SEMA3A: variants seen among roughly 807,000 people sequenced by gnomAD.
SEMA3A encodes semaphorin-3A.
SEMA3A carries 29 observed loss-of-function variants against 97.9 expected under a neutral mutation model. The ratio of observed to expected loss-of-function variants is 0.30; its 90% confidence interval spans 0.22 to 0.40. The LOEUF (loss-of-function observed/expected upper bound fraction) is 0.40. Ranked by LOEUF, SEMA3A falls within the 10% of genes least tolerant of loss-of-function variation. The probability of loss-of-function intolerance (pLI) is 1.00; values close to 1 mark genes in which losing one functional copy is unlikely to be tolerated. For missense variants in SEMA3A, 763 were observed against 951.3 expected (o/e 0.80, Z 2.60); for synonymous variants, 321 against 323.7 (o/e 0.99, Z 0.09).
At chr7:84,134,773 C>A (rs1265534714) in intron 2 of SEMA3A, 21 bp downstream of exon 2, 1 of 1,548,282 alleles carries the variant, frequency 6.5e-7, no homozygotes, top group African/African-American at 1.4e-5. Flanking sequence ...AACTATAGTG[C>A]ATATATTAGA....
chr7:84,357,805 C>T (rs544151055), intron 2 of SEMA3A, among the ~76,000 whole-genome samples: 1 of 151,824 alleles, frequency 6.6e-6, no homozygotes, highest in South Asian at 2.1e-4. Context: ...CTGTTGTTTC[C>T]TGACTTTTTA....
chr7:84,174,501 T>C (rs1187817388), intron 1 of SEMA3A, among the ~76,000 whole-genome samples: 1 of 152,210 alleles, frequency 6.6e-6, no homozygotes, highest in Non-Finnish European at 1.5e-5. Context: ...AAGTCTATAA[T>C]ATAATGGTTT....
chr7:84,355,812 A>G (rs1310378806), intron 2 of SEMA3A, among the ~76,000 whole-genome samples: 1 of 151,956 alleles, frequency 6.6e-6, no homozygotes, highest in Non-Finnish European at 1.5e-5. Context: ...ATGTTGTAAT[A>G]AAAGACCGAG....
chr7:84,241,719 T>C (rs924811601), intron 3 of SEMA3A, among the ~76,000 whole-genome samples: 3 of 152,184 alleles, frequency 2.0e-5, no homozygotes, highest in Non-Finnish European at 4.4e-5. Flanking sequence ...ATGCCCTGAA[T>C]GGTATTGCCT....
chr7:84,363,441 T>C (rs943907694), intron 2 of SEMA3A, among the ~76,000 whole-genome samples: 1 of 151,954 alleles, frequency 6.6e-6, no homozygotes, highest in Non-Finnish European at 1.5e-5. Flanking sequence ...TGCATGTTCT[T>C]TCAATTTTTC....
At chr7:84,151,054 A>G (rs971055356) in intron 1 of SEMA3A, among the ~76,000 whole-genome samples, 2 of 150,382 alleles carry the variant, frequency 1.3e-5, no homozygotes, top group African/African-American at 4.9e-5. Flanking sequence ...GAAAACTAAC[A>G]AACAGAAAGG....
chr7:84,183,394 G>A (rs1009185795), intron 1 of SEMA3A, among the ~76,000 whole-genome samples: 4 of 152,004 alleles, frequency 2.6e-5, no homozygotes. Context: ...TATAAGCAGA[G>A]TATGACCTAT....
At chr7:84,149,611 T>C (rs1796567804) in intron 1 of SEMA3A, among the ~76,000 whole-genome samples, 1 of 152,224 alleles carries the variant, frequency 6.6e-6, no homozygotes, top group Non-Finnish European at 1.5e-5. Context: ...TCTTATAGAT[T>C]GGGCAAAAAT....
intron 1 of SEMA3A, among the ~76,000 whole-genome samples, chr7:84,469,938 T>C (rs1445247375): frequency 6.6e-6 from 1 of 151,766 alleles, no homozygotes; most frequent in Non-Finnish European, 1.5e-5. Context: ...AAACACTTAA[T>C]AAAATATGAA....
Position 83,981,306 on chromosome 7 carries a change from G to A in SEMA3A, c.1652+15C>T. On this transcript the variant is annotated intron_variant, in intron 14 of 16. Transcript: ENST00000265362. ...AACTAGCAAACATTTCATTTATTTT[G>A]AATATTTTTCCTACCTCTTTGCAGT... The A allele has an allele frequency of 6.2e-7, 1 of 1,611,592 alleles. No individual in the cohort carries two copies. The highest frequency in any genetic ancestry group is 1.3e-5 in the African/African-American group (1 of 74,832).
intron 1 of SEMA3A, among the ~76,000 whole-genome samples, chr7:84,142,979 T>G (rs1289295367): frequency 3.3e-5 from 5 of 150,764 alleles, no homozygotes. Context: ...CAGACCCTTC[T>G]TCATCATTCA....
chr7:84,372,838 G>A (rs942040123), intron 1 of SEMA3A, among the ~76,000 whole-genome samples: 14 of 152,130 alleles, frequency 9.2e-5, no homozygotes, highest in East Asian at 3.9e-4. Flanking sequence ...TCTCACTTCC[G>A]TCTTATCTCC....
intron 1 of SEMA3A, among the ~76,000 whole-genome samples, chr7:84,471,656 G>A (rs1265263726): frequency 6.6e-6 from 1 of 152,038 alleles, no homozygotes; most frequent in Non-Finnish European, 1.5e-5. Flanking sequence ...ATATCCTCAT[G>A]AGAGAAAGAG....
chr7:84,033,035 T>C (rs1238753887), intron 6 of SEMA3A, among the ~76,000 whole-genome samples: 1 of 152,090 alleles, frequency 6.6e-6, no homozygotes, highest in Admixed American at 6.6e-5. Context: ...AAAAGATGTT[T>C]ACAGGGAAAA....
At chr7:84,154,942 T>G (rs370641608) in intron 1 of SEMA3A, among the ~76,000 whole-genome samples, 5 of 152,088 alleles carry the variant, frequency 3.3e-5, no homozygotes, top group East Asian at 1.9e-4. Context: ...TTTCTGTTAT[T>G]GGTTTATTTC....
intron 12 of SEMA3A, among the ~76,000 whole-genome samples, chr7:84,000,171 C>CTCTAT (rs1224472227): frequency 9.4e-5 from 14 of 149,544 alleles, no homozygotes; most frequent in Non-Finnish European, 2.0e-4. Context: ...TAGTGGCCAA[C>CTCTAT]AGAGTCCATT....
chr7:84,294,632 T>C (rs1800826595), intron 3 of SEMA3A, among the ~76,000 whole-genome samples: 1 of 152,058 alleles, frequency 6.6e-6, no homozygotes, highest in Non-Finnish European at 1.5e-5. Context: ...ATATTTTGAT[T>C]GTAGGACATT....
At chr7:83,981,233 A>G (rs1308777031) in intron 14 of SEMA3A, 88 bp downstream of exon 14, 5 of 1,410,656 alleles carry the variant, frequency 3.5e-6, no homozygotes, top group African/African-American at 2.9e-5. Context: ...GAAAAAGTTG[A>G]TGCACTTATT....
intron 4 of SEMA3A, among the ~76,000 whole-genome samples, chr7:84,099,442 T>C (rs2115891681): frequency 6.6e-6 from 1 of 152,272 alleles, no homozygotes; most frequent in Middle Eastern, 3.4e-3. Context: ...GCATTTTCTT[T>C]ATTTACGAGT....
Sources: allele counts gnomAD v4.1 joint callset (sites outside exome capture counted in the v4.1 genomes callset), GRCh38; gene constraint gnomAD v4.1.1; transcripts MANE v1.5; gene names NCBI Gene and HGNC (gene_info 2026-07-23, HGNC 2026-07-21).